The following CACNA2D3 variants were observed in gnomAD, a reference collection of about 807,000 sequenced individuals.
CACNA2D3 encodes the protein calcium voltage-gated channel auxiliary subunit alpha2delta 3, also known as voltage-dependent calcium channel subunit alpha-2/delta-3.
In CACNA2D3, 60 loss-of-function variants were observed where a neutral mutation model predicts 160.6. That is an observed-to-expected ratio of 0.37 (90% CI 0.30 to 0.46). CACNA2D3 has a LOEUF of 0.46. Among genes scored for constraint, CACNA2D3 ranks in the 20% least tolerant of loss-of-function variants. The pLI is 1.00. For synonymous variants in CACNA2D3, 558 were observed against 492.9 expected (o/e 1.13, Z -1.75); for missense variants, 1,205 against 1,365.0 (o/e 0.88, Z 1.85).
At chr3:54,303,000 T>C (rs1464239627) in intron 2 of CACNA2D3, among the ~76,000 whole-genome samples, 1 of 152,090 alleles carries the variant, frequency 6.6e-6, no homozygotes, top group East Asian at 1.9e-4. Flanking sequence ...GTCTCTGGTC[T>C]TTCCCTCTCC....
chr3:54,230,795 C>G (rs1420063777), intron 2 of CACNA2D3, among the ~76,000 whole-genome samples: 1 of 152,142 alleles, frequency 6.6e-6, no homozygotes, highest in Non-Finnish European at 1.5e-5. Flanking sequence ...AGATAAATCT[C>G]TTTACAAATG....
chr3:54,219,672 A>G (rs114966501), intron 2 of CACNA2D3, among the ~76,000 whole-genome samples: 77 of 152,160 alleles, frequency 5.1e-4, no homozygotes, highest in African/African-American at 1.9e-3. Context: ...CTCCCTGCAT[A>G]AGCATTTTGG....
At chr3:54,871,177 G>A (rs935739096) in intron 17 of CACNA2D3, among the ~76,000 whole-genome samples, 5 of 130,706 alleles carry the variant, frequency 3.8e-5, no homozygotes, top group Non-Finnish European at 7.9e-5. Flanking sequence ...TACCATATAG[G>A]TGGAGACACA....
intron 11 of CACNA2D3, among the ~76,000 whole-genome samples, chr3:54,659,985 A>G (rs1699938380): frequency 6.6e-6 from 1 of 152,086 alleles, no homozygotes; most frequent in African/African-American, 2.4e-5. Context: ...ATTTAATGGC[A>G]TAGGCAGACA....
At chr3:55,012,508 A>G (rs902731809) in intron 34 of CACNA2D3, among the ~76,000 whole-genome samples, 6 of 152,088 alleles carry the variant, frequency 3.9e-5, no homozygotes, top group Non-Finnish European at 8.8e-5. Context: ...CTGCCACCAC[A>G]GACATCTAGT....
At chr3:54,264,159 C>G (rs1702459401) in intron 2 of CACNA2D3, among the ~76,000 whole-genome samples, 1 of 152,168 alleles carries the variant, frequency 6.6e-6, no homozygotes, top group Non-Finnish European at 1.5e-5. Flanking sequence ...CTCTGGTGCC[C>G]ACCCAGATGT....
At chr3:54,943,617 G>T (rs954025618) in intron 27 of CACNA2D3, among the ~76,000 whole-genome samples, 1 of 151,922 alleles carries the variant, frequency 6.6e-6, no homozygotes, top group Non-Finnish European at 1.5e-5. Flanking sequence ...TCTTCTTATT[G>T]CTTGGTTTTC....
At chr3:54,321,505 G>T (rs1443300849) in intron 3 of CACNA2D3, among the ~76,000 whole-genome samples, 1 of 152,056 alleles carries the variant, frequency 6.6e-6, no homozygotes, top group Admixed American at 6.6e-5. Flanking sequence ...ATTTATAATG[G>T]ATCAACCAAC....
intron 4 of CACNA2D3, among the ~76,000 whole-genome samples, chr3:54,425,788 A>G (rs1699904165): frequency 6.6e-6 from 1 of 152,238 alleles, no homozygotes; most frequent in Non-Finnish European, 1.5e-5. Context: ...TAGAGAAGGG[A>G]TGAGTTCCCT....
chr3:54,622,627 A>G (rs1395612230), intron 9 of CACNA2D3, among the ~76,000 whole-genome samples: 5 of 151,638 alleles, frequency 3.3e-5, no homozygotes, highest in African/African-American at 9.7e-5. Flanking sequence ...CTGTATACCA[A>G]TTGCCTCCAC....
intron 3 of CACNA2D3, among the ~76,000 whole-genome samples, chr3:54,354,559 T>C (rs1171701721): frequency 6.6e-6 from 1 of 152,230 alleles, no homozygotes; most frequent in East Asian, 1.9e-4. Flanking sequence ...CTGGGTCTCT[T>C]TCTTGTGCAG....
intron 9 of CACNA2D3, among the ~76,000 whole-genome samples, chr3:54,601,959 T>A (rs1321034453): frequency 6.6e-6 from 1 of 151,994 alleles, no homozygotes; most frequent in Non-Finnish European, 1.5e-5. Context: ...AAAATACTGT[T>A]TTCTTATTTG....
chr3:54,644,934 A>T (rs748341778), intron 11 of CACNA2D3, among the ~76,000 whole-genome samples: 5 of 152,232 alleles, frequency 3.3e-5, no homozygotes, highest in Admixed American at 2.0e-4. Flanking sequence ...TCATTTCCTC[A>T]GTTGAATTCA....
At chr3:54,248,862 A>T (rs1702131126) in intron 2 of CACNA2D3, among the ~76,000 whole-genome samples, 1 of 152,220 alleles carries the variant, frequency 6.6e-6, no homozygotes, top group East Asian at 1.9e-4. Context: ...AAGGGAATAC[A>T]GAATGGGTAG....
At chr3:54,466,510 G>A (rs11716484) in intron 4 of CACNA2D3, among the ~76,000 whole-genome samples, 17 of 152,208 alleles carry the variant, frequency 1.1e-4, no homozygotes, top group South Asian at 6.2e-4. Flanking sequence ...TTGCTGATCC[G>A]AGCCAAGTTT....
At chr3:54,269,739 A>C (rs890620689) in intron 2 of CACNA2D3, among the ~76,000 whole-genome samples, 6 of 152,200 alleles carry the variant, frequency 3.9e-5, no homozygotes, top group African/African-American at 1.4e-4. Context: ...TTATCTTGGC[A>C]AAAAGGAGGT....
intron 2 of CACNA2D3, among the ~76,000 whole-genome samples, chr3:54,167,085 C>G (rs547028910): frequency 6.6e-6 from 1 of 152,262 alleles, no homozygotes; most frequent in East Asian, 1.9e-4. Context: ...ACAAGAATTT[C>G]TATGTACAGA....
At chr3:54,238,664 A>G (rs995173802) in intron 2 of CACNA2D3, among the ~76,000 whole-genome samples, 1 of 152,218 alleles carries the variant, frequency 6.6e-6, no homozygotes, top group African/African-American at 2.4e-5. Flanking sequence ...AGGAAAAATG[A>G]CACAAAAGGT....
chr3:54,749,730 C>G (rs1272183013), intron 11 of CACNA2D3, among the ~76,000 whole-genome samples: 1 of 152,208 alleles, frequency 6.6e-6, no homozygotes, highest in African/African-American at 2.4e-5. Context: ...GGCAGACATG[C>G]AACAAGTCAT....
Sources: gnomAD v4.1 joint callset for allele counts (sites outside exome capture counted in the v4.1 genomes callset) on GRCh38, gnomAD v4.1.1 for gene constraint, MANE v1.5 for transcripts, NCBI Gene and HGNC (gene_info 2026-07-23, HGNC 2026-07-21) for gene names.